The following ANKS1B variants were observed in gnomAD, a reference collection of about 807,000 sequenced individuals.
The protein encoded by ANKS1B is ankyrin repeat and sterile alpha motif domain-containing protein 1B.
Under a neutral mutation model 148.3 loss-of-function variants are expected in ANKS1B, and 36 were observed. That is an observed-to-expected ratio of 0.24 (90% CI 0.19 to 0.32). ANKS1B has a LOEUF of 0.32. ANKS1B is among the 10% of genes least tolerant of loss of function. ANKS1B has a pLI of 1.00. For missense variants in ANKS1B, 1,157 were observed against 1,542.6 expected (o/e 0.75, Z 4.19); for synonymous variants, 542 against 560.8 (o/e 0.97, Z 0.47).
At chr12:99,540,283 A>G (rs2097112341) in intron 9 of ANKS1B, among the ~76,000 whole-genome samples, 1 of 152,162 alleles carries the variant, frequency 6.6e-6, no homozygotes, top group Non-Finnish European at 1.5e-5. Context: ...AGCAAACAGA[A>G]GACTTAAATA....
intron 4 of ANKS1B, among the ~76,000 whole-genome samples, chr12:99,800,079 T>G (rs904380361): frequency 6.6e-6 from 1 of 152,216 alleles, no homozygotes; most frequent in Admixed American, 6.6e-5. Flanking sequence ...ACTCACATGC[T>G]AAGGCCCTAA....
intron 22 of ANKS1B, among the ~76,000 whole-genome samples, chr12:98,788,549 G>C (rs919813805): frequency 1.3e-5 from 2 of 152,160 alleles, no homozygotes; most frequent in African/African-American, 4.8e-5. Context: ...CTAAGACCAG[G>C]TGACAAGAAC....
chr12:98,772,924 G>A (rs2098607904), intron 25 of ANKS1B, 118 bp downstream of exon 25: 5 of 1,115,120 alleles, frequency 4.5e-6, no homozygotes, highest in South Asian at 1.6e-5. Flanking sequence ...CACTTGGTAT[G>A]TATCTTAATA....
At chr12:99,045,755 C>T (rs1354857510) in intron 17 of ANKS1B, among the ~76,000 whole-genome samples, 1 of 152,138 alleles carries the variant, frequency 6.6e-6, no homozygotes, top group African/African-American at 2.4e-5. Flanking sequence ...GGACAGTGAT[C>T]CCTGAGAGAT....
At chr12:99,738,820 A>G (rs767542640) in intron 8 of ANKS1B, among the ~76,000 whole-genome samples, 7 of 152,136 alleles carry the variant, frequency 4.6e-5, no homozygotes, top group Non-Finnish European at 7.4e-5. Context: ...AATCCCACAA[A>G]TATGCTCACA....
intron 17 of ANKS1B, among the ~76,000 whole-genome samples, chr12:98,982,568 T>C (rs1224055496): frequency 6.6e-6 from 1 of 152,228 alleles, no homozygotes; most frequent in Non-Finnish European, 1.5e-5. Context: ...TTCTTAAAAG[T>C]TTTAACACAT....
At chr12:98,799,547 A>C (rs2098982368) in intron 21 of ANKS1B, among the ~76,000 whole-genome samples, 1 of 148,406 alleles carries the variant, frequency 6.7e-6, no homozygotes, top group African/African-American at 2.5e-5. Flanking sequence ...GGGGAGGGAG[A>C]GAGGCATTCT....
chr12:98,790,615 G>A (rs1018243432), intron 22 of ANKS1B, among the ~76,000 whole-genome samples: 1 of 152,148 alleles, frequency 6.6e-6, no homozygotes, highest in Admixed American at 6.5e-5. Context: ...GAGCCACCTT[G>A]CTCGGCCAGC....
intron 6 of ANKS1B, among the ~76,000 whole-genome samples, chr12:99,776,380 A>G (rs1300801918): frequency 6.6e-6 from 1 of 152,224 alleles, no homozygotes; most frequent in Non-Finnish European, 1.5e-5. Context: ...TGACACATGC[A>G]CTAAATTTTA....
intron 10 of ANKS1B, among the ~76,000 whole-genome samples, chr12:99,460,723 C>T (rs1235732476): frequency 7.4e-6 from 1 of 134,820 alleles, no homozygotes; most frequent in African/African-American, 3.4e-5. Flanking sequence ...GCAAGAATGG[C>T]CATAATAACA....
chr12:99,020,636 T>C (rs1429712667), intron 17 of ANKS1B, among the ~76,000 whole-genome samples: 1 of 152,180 alleles, frequency 6.6e-6, no homozygotes, highest in Non-Finnish European at 1.5e-5. Context: ...AATTAATTTA[T>C]ATTAAATTTA....
At chr12:99,570,579 G>A (rs1240722697) in intron 9 of ANKS1B, among the ~76,000 whole-genome samples, 4 of 151,764 alleles carry the variant, frequency 2.6e-5, no homozygotes, top group South Asian at 4.1e-4. Context: ...CCCAGGAGGC[G>A]GGGTTTGCAG....
chr12:98,739,619 T>C (rs1418863704), downstream of ANKS1B, among the ~76,000 whole-genome samples: 6 of 152,058 alleles, frequency 3.9e-5, no homozygotes, highest in African/African-American at 1.2e-4. Context: ...ATCTGTGTGC[T>C]GTCTTCTGCC....
chr12:99,848,087 A>G (rs927887752), intron 1 of ANKS1B, among the ~76,000 whole-genome samples: 9 of 152,116 alleles, frequency 5.9e-5, no homozygotes, highest in Non-Finnish European at 1.2e-4. Flanking sequence ...GCCATCAATC[A>G]GTGCAGCAGG....
At chr12:99,009,575 A>G (rs1307449374) in intron 17 of ANKS1B, among the ~76,000 whole-genome samples, 2 of 152,186 alleles carry the variant, frequency 1.3e-5, no homozygotes, top group African/African-American at 4.8e-5. Context: ...TCTCCAGCCC[A>G]TGATCTCCTG....
At chr12:98,861,765 G>C (rs760715581) in intron 17 of ANKS1B, among the ~76,000 whole-genome samples, 1 of 152,186 alleles carries the variant, frequency 6.6e-6, no homozygotes, top group Non-Finnish European at 1.5e-5. Flanking sequence ...AGATTTTTAA[G>C]TTTGTGAAAA....
chr12:99,606,036 G>A (rs1326271169), intron 9 of ANKS1B, among the ~76,000 whole-genome samples: 1 of 151,892 alleles, frequency 6.6e-6, no homozygotes, highest in Non-Finnish European at 1.5e-5. Context: ...TCTAATTACT[G>A]TGATGTGATA....
At chr12:99,288,898 T>A (rs2079518443) in intron 12 of ANKS1B, among the ~76,000 whole-genome samples, 1 of 151,928 alleles carries the variant, frequency 6.6e-6, no homozygotes, top group Non-Finnish European at 1.5e-5. Context: ...TGGTAGTAAG[T>A]CCTTACTTAT....
At chr12:98,802,444 C>G (rs570576417) in intron 20 of ANKS1B, among the ~76,000 whole-genome samples, 1 of 152,158 alleles carries the variant, frequency 6.6e-6, no homozygotes, top group Non-Finnish European at 1.5e-5. Flanking sequence ...AACCACAGTT[C>G]TCTAGGAATG....
Sources: allele counts gnomAD v4.1 joint callset (sites outside exome capture counted in the v4.1 genomes callset), GRCh38; gene constraint gnomAD v4.1.1; transcripts MANE v1.5; gene names NCBI Gene and HGNC (gene_info 2026-07-23, HGNC 2026-07-21).